DCC: variants seen among roughly 807,000 people sequenced by gnomAD.
DCC encodes the protein DCC netrin 1 receptor.
DCC carries 58 observed loss-of-function variants against 172.5 expected under a neutral mutation model. That is an observed-to-expected ratio of 0.34 (90% CI 0.27 to 0.42). The LOEUF is 0.42. Ranked by LOEUF, DCC falls within the 10% of genes least tolerant of loss-of-function variation. The pLI, the probability that DCC is intolerant of heterozygous loss-of-function variation, is 1.00. For synonymous variants in DCC, 709 were observed against 644.5 expected (o/e 1.10, Z -1.52); for missense variants, 1,740 against 1,791.0 (o/e 0.97, Z 0.51).
At chr18:52,778,641 T>G (rs9955760) in intron 2 of DCC, among the ~76,000 whole-genome samples, 8,052 of 152,270 alleles carry the variant, frequency 0.053, 287 homozygotes, top group South Asian at 0.16. Flanking sequence ...TTTTGATAAT[T>G]TTGAGAGGCA....
chr18:53,311,153 C>T (rs1170542808), intron 13 of DCC, among the ~76,000 whole-genome samples: 4 of 151,074 alleles, frequency 2.6e-5, no homozygotes, highest in African/African-American at 9.8e-5. Context: ...TGGAGTTTCA[C>T]TCTTATTGCC....
At chr18:52,904,135 G>A (rs998075009) in intron 2 of DCC, among the ~76,000 whole-genome samples, 13 of 152,158 alleles carry the variant, frequency 8.5e-5, no homozygotes, top group African/African-American at 3.1e-4. Flanking sequence ...AGAATCAGAT[G>A]AGTAATTTTA....
intron 7 of DCC, among the ~76,000 whole-genome samples, chr18:53,113,533 T>G (rs8093635): frequency 5.5e-4 from 83 of 151,584 alleles, no homozygotes; most frequent in African/African-American, 1.9e-3. Flanking sequence ...ACTTTGGCTT[T>G]TTTGGTAACA....
chr18:52,662,318 CA>C (rs2035374088), intron 1 of DCC, among the ~76,000 whole-genome samples: 1 of 152,034 alleles, frequency 6.6e-6, no homozygotes, highest in Non-Finnish European at 1.5e-5. Flanking sequence ...TAGACAAAAC[CA>C]GAAAGCAGAG....
At chr18:52,964,308 T>G (rs2040893150) in intron 5 of DCC, among the ~76,000 whole-genome samples, 1 of 152,152 alleles carries the variant, frequency 6.6e-6, no homozygotes, top group Non-Finnish European at 1.5e-5. Flanking sequence ...AAAAAGACAT[T>G]TAATGATGTT....
At chr18:52,627,607 ACTT>A (rs1303750751) in intron 1 of DCC, among the ~76,000 whole-genome samples, 1 of 152,240 alleles carries the variant, frequency 6.6e-6, no homozygotes, top group Admixed American at 6.5e-5. Flanking sequence ...GCAGAGAACA[ACTT>A]CTTTCTGTAG....
chr18:52,372,796 T>C (rs1177169662), intron 1 of DCC, among the ~76,000 whole-genome samples: 1 of 152,192 alleles, frequency 6.6e-6, no homozygotes, highest in Non-Finnish European at 1.5e-5. Context: ...CAGCTGCACA[T>C]GCACTGAATT....
rs141756262 is a variant in DCC, at chr18:52,722,963, G to A, written c.92-29091G>A. Among the ~76,000 whole-genome samples the A allele has an allele frequency of 6.6e-5, 10 of 152,270 alleles. No homozygotes were observed. The East Asian group carries it at 1.4e-3, about 21-fold the overall frequency. On this transcript the variant is annotated intron_variant, in intron 1 of 28. Coordinates refer to ENST00000442544, the MANE Select transcript of DCC (RefSeq NM_005215.4). ...TTGGTTCCATTTTCTCACCTAATTTGTAGTTTGGTTAGGTATGCAACTCTA... is the reference window on the plus strand; with the variant it reads ...TTGGTTCCATTTTCTCACCTAATTTATAGTTTGGTTAGGTATGCAACTCTA...
intron 2 of DCC, among the ~76,000 whole-genome samples, chr18:52,790,868 T>TA (rs2037751659): frequency 6.6e-6 from 1 of 152,232 alleles, no homozygotes; most frequent in African/African-American, 2.4e-5. Context: ...CTGAGTTAAA[T>TA]TTTAGAAAGC....
At chr18:52,813,784 G>A (rs756122763) in intron 2 of DCC, among the ~76,000 whole-genome samples, 8 of 152,202 alleles carry the variant, frequency 5.3e-5, no homozygotes, top group Admixed American at 1.3e-4. Context: ...CTGAGTCAAT[G>A]AAAACTCTGC....
intron 1 of DCC, among the ~76,000 whole-genome samples, chr18:52,628,690 G>T (rs181402800): frequency 2.1e-3 from 322 of 152,342 alleles, no homozygotes; most frequent in Non-Finnish European, 3.8e-4. Flanking sequence ...GCAAGGAAAG[G>T]AAGTGTCCTG....
At chr18:52,740,296 G>A (rs1028816654) in intron 1 of DCC, among the ~76,000 whole-genome samples, 3 of 152,096 alleles carry the variant, frequency 2.0e-5, no homozygotes, top group African/African-American at 4.8e-5. Context: ...AAACTCATTG[G>A]TGCTTAGTTC....
intron 22 of DCC, among the ~76,000 whole-genome samples, chr18:53,447,497 T>C (rs1912690865): frequency 6.6e-6 from 1 of 151,830 alleles, no homozygotes; most frequent in Non-Finnish European, 1.5e-5. Flanking sequence ...TTCAGAGTTA[T>C]TTTTTTTGAC....
At chr18:53,317,253 T>C (rs2057354524) in intron 13 of DCC, among the ~76,000 whole-genome samples, 1 of 152,168 alleles carries the variant, frequency 6.6e-6, no homozygotes, top group African/African-American at 2.4e-5. Context: ...GAGATAATCA[T>C]ATGGTTCTGT....
At chr18:52,795,154 A>C (rs561884380) in intron 2 of DCC, among the ~76,000 whole-genome samples, 4 of 152,152 alleles carry the variant, frequency 2.6e-5, no homozygotes, top group African/African-American at 9.6e-5. Flanking sequence ...AGAATGAGTT[A>C]GGAATAACTG....
At chr18:53,062,221 T>G (rs184775139) in intron 5 of DCC, among the ~76,000 whole-genome samples, 387 of 152,210 alleles carry the variant, frequency 2.5e-3, no homozygotes, top group Non-Finnish European at 4.3e-3. Context: ...AGCTCTTTTA[T>G]TTTTCTAGAA....
At chr18:53,212,447 T>C (rs2055769360) in intron 11 of DCC, among the ~76,000 whole-genome samples, 1 of 151,972 alleles carries the variant, frequency 6.6e-6, no homozygotes, top group Non-Finnish European at 1.5e-5. Flanking sequence ...CCAAATAATA[T>C]GGAAATTGAT....
At chr18:53,167,262 C>A (rs1282724734) in intron 8 of DCC, among the ~76,000 whole-genome samples, 1 of 152,138 alleles carries the variant, frequency 6.6e-6, no homozygotes, top group Non-Finnish European at 1.5e-5. Context: ...ACAAATAATC[C>A]ACTAAGAAGC....
At chr18:52,795,188 G>A (rs954773554) in intron 2 of DCC, among the ~76,000 whole-genome samples, 1 of 151,908 alleles carries the variant, frequency 6.6e-6, no homozygotes, top group African/African-American at 2.4e-5. Flanking sequence ...CTTTGTAATA[G>A]TTTGAGAATA....
Sources: allele counts gnomAD v4.1 joint callset (sites outside exome capture counted in the v4.1 genomes callset), GRCh38; gene constraint gnomAD v4.1.1; transcripts MANE v1.5; gene names NCBI Gene and HGNC (gene_info 2026-07-23, HGNC 2026-07-21).